The following KLF2 variants were observed in gnomAD, a reference collection of about 807,000 sequenced individuals.
KLF2 encodes the protein Krueppel-like factor 2.
In KLF2, 9 loss-of-function variants were observed where a neutral mutation model predicts 22.2. The ratio of observed to expected loss-of-function variants is 0.40; its 90% confidence interval spans 0.24 to 0.71. KLF2 has a LOEUF of 0.71. Among genes scored for constraint, KLF2 ranks in the 30% least tolerant of loss-of-function variants. The pLI is 0.35. For synonymous variants in KLF2, 299 were observed against 264.2 expected, an observed-to-expected ratio of 1.13 and a Z score of -1.28; for missense variants, 481 against 542.1, an observed-to-expected ratio of 0.89 and a Z score of 1.12.
Position 16,325,637 on chromosome 19 carries a change from G to C in KLF2, c.497G>C (p.Arg166Pro). The C allele has an allele frequency of 9.4e-7, 1 of 1,069,252 alleles. No individual in the cohort carries two copies. Among genetic ancestry groups the C allele is most frequent in the Non-Finnish European group, 1.1e-6 (1 of 888,364 alleles). The allele number at this position is 1,069,252 out of a possible 1,614,324, so 66.2% of individuals were successfully genotyped here. ...TCGTGCATGCGAGGTCCCGGGGGCCGCCCCCCGCCGCCGCCCGACACACCG... is the reference window on the plus strand; with the variant it reads ...TCGTGCATGCGAGGTCCCGGGGGCCCCCCCCCGCCGCCGCCCGACACACCG... ...AASCMRGPGGRPPPPPDTPPL... is the reference protein window; with the variant it reads ...AASCMRGPGGPPPPPPDTPPL... The change falls in exon 2 of 3, where the codon CGC becomes CCC. Residue 166 changes from arginine (R) to proline (P), a missense_variant. Arg to Pro is a moderately radical substitution (Grantham distance 103, BLOSUM62 -2). This residue lies in a region of KLF2 where 421 missense variants were observed against 435.1 expected (regional missense o/e 0.97). Transcript: ENST00000248071.
rs1599498776 is a variant in KLF2 at position 16,328,104 on chromosome 19, C to T, written c.*1073C>T. ...TTTTCCAGATGAGGAAACGGAGGCC[C>T]GGAGAGGTAGCGGCAGGGTGGTGGA... On this transcript the variant is annotated 3_prime_UTR_variant, in exon 3 of 3. Transcript: ENST00000248071. Among the ~76,000 whole-genome samples, 3 of 152,132 alleles carry T rather than the reference C, an allele frequency of 2.0e-5. No homozygotes were observed. Among genetic ancestry groups the T allele is most frequent in the East Asian group, 3.9e-4 (2 of 5,178 alleles).
intron 2 of KLF2, 103 bp from the exon 3 acceptor site, chr19:16,326,753 C>A: frequency 8.8e-7 from 1 of 1,138,034 alleles, no homozygotes; most frequent in East Asian, 2.5e-5. Context: ...CCGCGGGGAG[C>A]GCGTCAAGGC....
At chr19:16,326,088 G>C in intron 2 of KLF2, 56 bp downstream of exon 2, 1 of 1,488,728 alleles carries the variant, frequency 6.7e-7, no homozygotes, top group Middle Eastern at 2.2e-4. Flanking sequence ...AGGAGAGGTC[G>C]GATTCCCAGC....
At chr19:16,326,171 A>C (rs933088018) in intron 2 of KLF2, 139 bp downstream of exon 2, 1 of 784,364 alleles carries the variant, frequency 1.3e-6, no homozygotes, top group African/African-American at 1.9e-5. Context: ...GTGCACGCTT[A>C]GGACTCCCCA....
chr19:16,324,940 C>A lies in KLF2; in HGVS notation c.17C>A (p.Pro6His), dbSNP rs1297202020. ...GTCCCGGCCATGGCGCTGAGTGAAC[C>A]CATCCTGCCGTCCTTCTCCACTTTC... is the stretch of plus-strand genomic sequence containing the variant. MALSE[P>H]ILPSFSTFAS... Residue 6 changes from proline (P) to histidine (H), a missense_variant, in exon 1 of 3, where the codon CCC becomes CAC. By Grantham distance (77) the Pro-to-His change is moderately conservative. This residue lies in a region of KLF2 where 421 missense variants were observed against 435.1 expected (regional missense o/e 0.97). Coordinates refer to ENST00000248071, the MANE Select transcript of KLF2 (RefSeq NM_016270.4). The A allele has an allele frequency of 6.2e-7, 1 of 1,602,338 alleles. No individual in the cohort carries two copies. The highest frequency in any genetic ancestry group is 2.3e-5 in the East Asian group (1 of 43,802).
intron 2 of KLF2, 36 bp from the exon 3 acceptor site, chr19:16,326,820 G>A (rs1203451023): frequency 6.3e-7 from 1 of 1,588,918 alleles, no homozygotes; most frequent in Non-Finnish European, 8.6e-7. Context: ...TGTCCTGGGA[G>A]GGGAACTGAC....
At position 16,327,275 on chromosome 19, in the gene KLF2, G is replaced by A; in HGVS notation, c.*244G>A. 1 of 464,810 alleles carries A rather than the reference G, an allele frequency of 2.2e-6. No individual in the cohort carries two copies. The allele number at this position is 464,810 out of a possible 1,614,324, so 28.8% of individuals were successfully genotyped here. A position where few individuals can be genotyped will look rare whatever the true frequency, so the allele number is the denominator to read the frequency against. ...GACGAGTTTTGTTTTTCAAAATGGT[G>A]CAATAATTTAAGTGGCATCTTCTCT... On this transcript the variant is annotated 3_prime_UTR_variant, in exon 3 of 3. Coordinates refer to ENST00000248071, the MANE Select transcript of KLF2 (RefSeq NM_016270.4).
intron 2 of KLF2, 149 bp downstream of exon 2, chr19:16,326,181 A>G (rs2091889573): frequency 1.4e-6 from 1 of 690,198 alleles, no homozygotes; most frequent in Non-Finnish European, 2.2e-6. Flanking sequence ...AGGACTCCCC[A>G]GGAGGCGTGG....
Position 16,327,072 on chromosome 19 carries a change from CCCACGCG to C in KLF2, c.*44_*50del. ...CCACCTGCGCGCGGCCGTGGCGGGT[CCCACGCG>C]CCGGGCGCGGCCCCCTCCCAAACTG... On this transcript the variant is annotated 3_prime_UTR_variant, in exon 3 of 3. Coordinates refer to ENST00000248071, the MANE Select transcript of KLF2 (RefSeq NM_016270.4). The C allele has an allele frequency of 6.7e-7, 1 of 1,497,624 alleles. No individual in the cohort carries two copies. Among genetic ancestry groups the C allele is most frequent in the Non-Finnish European group, 8.9e-7 (1 of 1,120,144 alleles). 92.8% of individuals were successfully genotyped at this position (1,497,624 alleles called of 1,614,324 possible).
At position 16,325,836 on chromosome 19, in the gene KLF2, G is replaced by T; in HGVS notation, c.696G>T (p.Leu232=). The T allele has an allele frequency of 1.4e-6, 2 of 1,410,342 alleles. No homozygotes were observed. Among genetic ancestry groups the T allele is most frequent in the Non-Finnish European group, 9.2e-7 (1 of 1,090,746 alleles). 87.4% of individuals were successfully genotyped at this position (1,410,342 alleles called of 1,614,324 possible). The change falls in exon 2 of 3, where the codon CTG becomes CTT. Residue 232 remains leucine (L), a synonymous_variant. Coordinates refer to ENST00000248071, the MANE Select transcript of KLF2 (RefSeq NM_016270.4). ...FDDAAAAAAA[L]GLAPPAARGL... is the part of the protein sequence containing the mutation. ...ACGCGGCCGCCGCCGCGGCAGCCCTGGGCCTGGCGCCCCCCGCCGCCCGCG... is the reference window on the plus strand; with the variant it reads ...ACGCGGCCGCCGCCGCGGCAGCCCTTGGCCTGGCGCCCCCCGCCGCCCGCG...
chr19:16,325,816 G>C lies in KLF2; in HGVS notation c.676G>C (p.Ala226Pro). ...PPAFGLFDDA[A>P]AAAAALGLAP... ...AGCCTTCGGTCTCTTCGACGACGCG[G>C]CCGCCGCCGCGGCAGCCCTGGGCCT... is the stretch of plus-strand genomic sequence containing the variant. Residue 226 changes from alanine to proline, a missense_variant, in exon 2 of 3, where the codon GCC becomes CCC. By Grantham distance (27) the Ala-to-Pro change is conservative. Transcript: ENST00000248071. 7.4e-7 allele frequency: 1 copy of C among 1,351,664 alleles called. No homozygotes were observed. Among genetic ancestry groups the C allele is most frequent in the Non-Finnish European group, 9.4e-7 (1 of 1,060,212 alleles). 83.7% of individuals were successfully genotyped at this position (1,351,664 alleles called of 1,614,324 possible).
At position 16,325,413 on chromosome 19, in the gene KLF2, G is replaced by T; in HGVS notation, c.273G>T (p.Leu91=). ...CCTACAGCGCCCCCGCGGGTGGCCTGGTGTCTGAGCTGCTGCGACCCGAGC... is the reference window on the plus strand; with the variant it reads ...CCTACAGCGCCCCCGCGGGTGGCCTTGTGTCTGAGCTGCTGCGACCCGAGC... ...PPPYSAPAGG[L]VSELLRPELD... is the part of the protein sequence containing the mutation. The change falls in exon 2 of 3, where the codon CTG becomes CTT. Residue 91 remains leucine, a synonymous_variant. Transcript: ENST00000248071. The T allele has an allele frequency of 7.0e-7, 1 of 1,429,072 alleles. No homozygotes were observed. The highest frequency in any genetic ancestry group is 9.1e-7 in the Non-Finnish European group (1 of 1,102,684). The allele number at this position is 1,429,072 out of a possible 1,614,324, so 88.5% of individuals were successfully genotyped here. A position where few individuals can be genotyped will look rare whatever the true frequency, so the allele number is the denominator to read the frequency against.
rs1304165408 is a variant in KLF2 at position 16,325,599 on chromosome 19, G to A, written c.459G>A (p.Pro153=). ...GPRGLKREGA[P]GPAASCMRGP... ...GCGGCCTCAAGCGCGAGGGCGCCCC[G>A]GGCCCGGCGGCTTCGTGCATGCGAG... The change falls in exon 2 of 3, where the codon CCG becomes CCA. Residue 153 remains proline (P), a synonymous_variant. Transcript: ENST00000248071. The A allele has an allele frequency of 1.8e-6, 2 of 1,126,940 alleles. No individual in the cohort carries two copies. The highest frequency in any genetic ancestry group is 4.6e-5 in the East Asian group (1 of 21,618). 69.8% of individuals were successfully genotyped at this position (1,126,940 alleles called of 1,614,324 possible). A position where few individuals can be genotyped will look rare whatever the true frequency, so the allele number is the denominator to read the frequency against.
chr19:16,325,898 T>C lies in KLF2; in HGVS notation c.758T>C (p.Leu253Pro). 1 of 1,507,088 alleles carries C rather than the reference T, an allele frequency of 6.6e-7. No individual in the cohort carries two copies. The allele number at this position is 1,507,088 out of a possible 1,614,324, so 93.4% of individuals were successfully genotyped here. ...CCGCCTGCGTCCCCGCTGGAGCTGC[T>C]GGAGGCCAAGCCAAAGCGCGGCCGC... ...LTPPASPLEL[L>P]EAKPKRGRRS... The change falls in exon 2 of 3, where the codon CTG becomes CCG. Residue 253 changes from leucine (L) to proline (P), a missense_variant. Physicochemically the swap from Leu to Pro is moderately conservative, Grantham distance 98. Coordinates refer to ENST00000248071, the MANE Select transcript of KLF2 (RefSeq NM_016270.4).
chr19:16,325,224 G>A lies in KLF2; in HGVS notation c.84G>A (p.Pro28=). The change falls in exon 2 of 3, where the codon CCG becomes CCA. Residue 28 remains proline (P), a synonymous_variant. Coordinates refer to ENST00000248071, the MANE Select transcript of KLF2 (RefSeq NM_016270.4). ...TGCCCTGTCGCCCGCAGCGCTGGCC[G>A]CGCGCCGAACCCGAGTCCGGCGGCA... ...CRERGLQERW[P]RAEPESGGTD... 2 of 1,527,090 alleles carry A rather than the reference G, an allele frequency of 1.3e-6. No individual in the cohort carries two copies. The highest frequency in any genetic ancestry group is 1.4e-5 in the African/African-American group (1 of 69,888). 94.6% of individuals were successfully genotyped at this position (1,527,090 alleles called of 1,614,324 possible). A position where few individuals can be genotyped will look rare whatever the true frequency, so the allele number is the denominator to read the frequency against.
rs1435874716 is a variant in KLF2 at position 16,327,719 on chromosome 19, T to C, written c.*688T>C. 1 of 152,146 alleles carries C rather than the reference T, an allele frequency of 6.6e-6. No homozygotes were observed. Among genetic ancestry groups the C allele is most frequent in the South Asian group, 2.1e-4 (1 of 4,848 alleles). 9.4% of individuals were successfully genotyped at this position (152,146 alleles called of 1,614,324 possible). On this transcript the variant is annotated 3_prime_UTR_variant, in exon 3 of 3. Coordinates refer to ENST00000248071, the MANE Select transcript of KLF2 (RefSeq NM_016270.4). ...GGAACCTGTGGGTTTTTCTGTAAATTTAGACACTGCATTTTAGGACTGAGG... is the reference window on the plus strand; with the variant it reads ...GGAACCTGTGGGTTTTTCTGTAAATCTAGACACTGCATTTTAGGACTGAGG...
At chr19:16,325,120 G>T (rs924413867) in intron 1 of KLF2, 96 bp from the exon 2 acceptor site, 1 of 1,313,376 alleles carries the variant, frequency 7.6e-7, no homozygotes, top group African/African-American at 1.5e-5. Context: ...AGAGGAGGAT[G>T]CGGGCCACGG....
chr19:16,325,849 C>T lies in KLF2; in HGVS notation c.709C>T (p.Pro237Ser), dbSNP rs1599497431. 2 of 1,419,680 alleles carry T rather than the reference C, an allele frequency of 1.4e-6. No individual in the cohort carries two copies. The highest frequency in any genetic ancestry group is 1.8e-6 in the Non-Finnish European group (2 of 1,095,852). 87.9% of individuals were successfully genotyped at this position (1,419,680 alleles called of 1,614,324 possible). The change falls in exon 2 of 3, where the codon CCC (proline) becomes TCC (serine). Residue 237 changes from proline to serine, a missense_variant. Coordinates refer to ENST00000248071, the MANE Select transcript of KLF2 (RefSeq NM_016270.4). Reference sequence around the variant, plus strand: ...CGCGGCAGCCCTGGGCCTGGCGCCCCCCGCCGCCCGCGGTCTCCTCACGCC... The same window carrying T: ...CGCGGCAGCCCTGGGCCTGGCGCCCTCCGCCGCCCGCGGTCTCCTCACGCC... ...AAAAALGLAP[P>S]AARGLLTPPA...
chr19:16,327,815 T>C lies in KLF2; in HGVS notation c.*784T>C, dbSNP rs1331548083. ...GCCCCACAGCTGGGGAAAGTGCTGG[T>C]CCCACTGACGTGGCCTCCTCTACGT... On this transcript the variant is annotated 3_prime_UTR_variant, in exon 3 of 3. Transcript: ENST00000248071. 1 of 152,048 alleles carries C rather than the reference T, an allele frequency of 6.6e-6. No homozygotes were observed. Among genetic ancestry groups the C allele is most frequent in the African/African-American group, 2.4e-5 (1 of 41,396 alleles). 9.4% of individuals were successfully genotyped at this position (152,048 alleles called of 1,614,324 possible). A position where few individuals can be genotyped will look rare whatever the true frequency, so the allele number is the denominator to read the frequency against.
Sources: gnomAD v4.1 joint callset for allele counts (sites outside exome capture counted in the v4.1 genomes callset) on GRCh38, gnomAD v4.1.1 for gene constraint, gnomAD v4.1.1 regional missense constraint, MANE v1.5 for transcripts, NCBI Gene and HGNC (gene_info 2026-07-23, HGNC 2026-07-21) for gene names.